The following PRKCE variants were observed in gnomAD, a reference collection of about 807,000 sequenced individuals.
The protein encoded by PRKCE is protein kinase C epsilon.
PRKCE carries 16 observed loss-of-function variants against 85.4 expected under a neutral mutation model. The observed-to-expected ratio is 0.19, with a 90% CI of 0.13 to 0.28. PRKCE has a LOEUF of 0.28. Ranked by LOEUF, PRKCE falls within the 10% of genes least tolerant of loss-of-function variation. The pLI is 1.00. For synonymous variants in PRKCE, 388 were observed against 371.5 expected (o/e 1.04, Z -0.51); for missense variants, 573 against 975.2 (o/e 0.59, Z 5.49).
At chr2:45,743,252 G>GGATCTTA (rs1244872875) in intron 1 of PRKCE, among the ~76,000 whole-genome samples, 1 of 152,080 alleles carries the variant, frequency 6.6e-6, no homozygotes, top group Non-Finnish European at 1.5e-5. Flanking sequence ...CCAAGAGGGT[G>GGATCTTA]GATCTTAACT....
intron 11 of PRKCE, among the ~76,000 whole-genome samples, chr2:46,097,423 G>A (rs112148243): frequency 0.14 from 21,176 of 150,884 alleles, 1,597 homozygotes; most frequent in Middle Eastern, 0.23. Context: ...GGGAGGCTGA[G>A]GCAGGAGAAT....
At chr2:45,771,110 C>G (rs1373042652) in intron 1 of PRKCE, among the ~76,000 whole-genome samples, 1 of 152,078 alleles carries the variant, frequency 6.6e-6, no homozygotes, top group Non-Finnish European at 1.5e-5. Flanking sequence ...AGGGGCTGCA[C>G]TGGGGAGTAG....
intron 10 of PRKCE, among the ~76,000 whole-genome samples, chr2:46,025,627 C>CTCACTCTCTCCCTCTG (rs1324430659): frequency 2.6e-5 from 4 of 152,186 alleles, no homozygotes; most frequent in African/African-American, 9.7e-5. Flanking sequence ...CTCCCTTGCT[C>CTCACTCTCTCCCTCTG]TCACTCTCTC....
At position 46,185,099 on chromosome 2, in the gene PRKCE, C is replaced by T; in HGVS notation, c.*218C>T. ...CTCGGTTCTTGTCTCACCAGTAATG[C>T]AGACTCATTGGGTCAGCAATTAGCT... On this transcript the variant is annotated 3_prime_UTR_variant, in exon 15 of 15. Transcript: ENST00000306156. This position sits in a 1 kb window ranked among gnomAD's most constrained non-coding sequence, Gnocchi z 4.7. 2 of 599,240 alleles carry T rather than the reference C, an allele frequency of 3.3e-6. No homozygotes were observed. The highest frequency in any genetic ancestry group is 5.8e-6 in the Non-Finnish European group (2 of 344,378). 37.1% of individuals were successfully genotyped at this position (599,240 alleles called of 1,614,324 possible).
chr2:45,738,795 A>C (rs1682301047), intron 1 of PRKCE, among the ~76,000 whole-genome samples: 1 of 152,250 alleles, frequency 6.6e-6, no homozygotes, highest in South Asian at 2.1e-4. Context: ...AAAGTACAGG[A>C]TTGGAAAGCA....
At chr2:45,825,388 G>A (rs1689862608) in intron 1 of PRKCE, among the ~76,000 whole-genome samples, 1 of 152,236 alleles carries the variant, frequency 6.6e-6, no homozygotes, top group Non-Finnish European at 1.5e-5. Flanking sequence ...TAGCGGTGAG[G>A]GGTGGGACAC....
chr2:45,905,971 G>A lies in PRKCE; in HGVS notation c.412+62908G>A, dbSNP rs1041372013. Among the ~76,000 whole-genome samples the A allele has an allele frequency of 3.9e-5, 6 of 152,198 alleles. No individual in the cohort carries two copies. The highest frequency in any genetic ancestry group is 7.2e-5 in the African/African-American group (3 of 41,452). On this transcript the variant is annotated intron_variant, in intron 2 of 14. Coordinates refer to ENST00000306156, the MANE Select transcript of PRKCE (RefSeq NM_005400.3). This position sits in a 1 kb window ranked among gnomAD's most constrained non-coding sequence, Gnocchi z 4.4. ...CCGGGGTGGGCAGGCTATCTTCAGCGGTGATGCGCTTTCAACCCTCCTCCC... is the reference window on the plus strand; with the variant it reads ...CCGGGGTGGGCAGGCTATCTTCAGCAGTGATGCGCTTTCAACCCTCCTCCC...
intron 1 of PRKCE, among the ~76,000 whole-genome samples, chr2:45,820,590 G>A (rs1444207953): frequency 6.6e-6 from 1 of 152,126 alleles, no homozygotes; most frequent in African/African-American, 2.4e-5. Flanking sequence ...GTGACAGCAG[G>A]AATCACAGAG....
At chr2:45,972,214 G>A (rs1702155063) in intron 2 of PRKCE, among the ~76,000 whole-genome samples, 1 of 152,124 alleles carries the variant, frequency 6.6e-6, no homozygotes. Flanking sequence ...GATGATTAGT[G>A]ATGTAGAACA....
At chr2:46,063,059 A>C (rs1262575765) in intron 10 of PRKCE, among the ~76,000 whole-genome samples, 1 of 152,212 alleles carries the variant, frequency 6.6e-6, no homozygotes, top group Non-Finnish European at 1.5e-5. Context: ...TTTATTCTCC[A>C]TCTGCAGTCA....
intron 10 of PRKCE, among the ~76,000 whole-genome samples, chr2:46,029,734 T>G (rs969099163): frequency 2.6e-5 from 4 of 151,642 alleles, no homozygotes; most frequent in Admixed American, 1.3e-4. Flanking sequence ...GGCTGACTCC[T>G]GAGCCTTAAA....
intron 1 of PRKCE, among the ~76,000 whole-genome samples, chr2:45,698,914 G>C (rs910901096): frequency 1.3e-5 from 2 of 152,176 alleles, no homozygotes; most frequent in Non-Finnish European, 2.9e-5. Context: ...CATGGACTTA[G>C]AAATTCACCA....
At chr2:46,086,756 C>CTGAG (rs1669677077) in intron 11 of PRKCE, among the ~76,000 whole-genome samples, 2 of 152,108 alleles carry the variant, frequency 1.3e-5, no homozygotes, top group African/African-American at 4.8e-5. Flanking sequence ...TTGCCACTTC[C>CTGAG]TGAGTTTGTT....
intron 9 of PRKCE, 149 bp downstream of exon 9, chr2:46,007,810 A>G (rs2104778716): frequency 1.2e-6 from 1 of 815,842 alleles, no homozygotes; most frequent in Non-Finnish European, 1.9e-6. Context: ...ACCTGAGGCC[A>G]AGTAGATAGG....
intron 2 of PRKCE, among the ~76,000 whole-genome samples, chr2:45,877,615 T>C (rs1314997020): frequency 1.3e-5 from 2 of 152,242 alleles, no homozygotes; most frequent in Admixed American, 6.5e-5. Context: ...TAGGTCACTA[T>C]GTTTCCTGCT....
intron 2 of PRKCE, among the ~76,000 whole-genome samples, chr2:45,903,915 GT>G (rs57203202): frequency 1.1e-5 from 1 of 93,656 alleles, no homozygotes; most frequent in African/African-American, 3.3e-5. Context: ...TTGTTTGTTT[GT>G]TTTTTTTGGC....
intron 1 of PRKCE, among the ~76,000 whole-genome samples, chr2:45,828,030 G>C (rs768004939): frequency 2.6e-5 from 4 of 152,154 alleles, no homozygotes; most frequent in Non-Finnish European, 5.9e-5. Flanking sequence ...TAGTGACTCT[G>C]AATAGCTGGA....
intron 11 of PRKCE, among the ~76,000 whole-genome samples, chr2:46,094,224 C>G (rs910521893): frequency 3.3e-5 from 5 of 152,194 alleles, no homozygotes; most frequent in Admixed American, 1.3e-4. Flanking sequence ...TCATCCTAGG[C>G]TTCCTTTTCC....
At chr2:46,034,647 C>T (rs542745919) in intron 10 of PRKCE, among the ~76,000 whole-genome samples, 5 of 152,334 alleles carry the variant, frequency 3.3e-5, no homozygotes, top group African/African-American at 1.2e-4. Flanking sequence ...CACGCCGAGG[C>T]CATGGGCTTA....
Sources: allele counts gnomAD v4.1 joint callset (sites outside exome capture counted in the v4.1 genomes callset), GRCh38; gene constraint gnomAD v4.1.1; non-coding constraint Gnocchi (gnomAD v3.1); transcripts MANE v1.5; gene names NCBI Gene and HGNC (gene_info 2026-07-23, HGNC 2026-07-21).